The following AEBP2 variants were observed in gnomAD, a reference collection of about 807,000 sequenced individuals.
The protein encoded by AEBP2 is AE binding protein 2.
A neutral mutation model predicts 50.8 loss-of-function variants in AEBP2; 10 were observed. The ratio of observed to expected loss-of-function variants is 0.20; its 90% CI spans 0.12 to 0.33. The LOEUF (loss-of-function observed/expected upper bound fraction) is 0.33. Among genes scored for constraint, AEBP2 ranks in the 10% least tolerant of loss-of-function variants. The pLI is 1.00. For missense variants in AEBP2, 570 were observed against 688.0 expected (o/e 0.83, Z 1.92); for synonymous variants, 296 against 261.3 (o/e 1.13, Z -1.28).
chr12:19,420,021 GTTTTTT>G (rs569003269), intron 1 of AEBP2, among the ~76,000 whole-genome samples: 1 of 128,870 alleles, frequency 7.8e-6, no homozygotes, highest in Non-Finnish European at 1.6e-5. Context: ...TGCATTAATA[GTTTTTT>G]TTTTTTTTTT....
upstream of AEBP2, among the ~76,000 whole-genome samples, chr12:19,438,591 T>C (rs1292938730): frequency 6.6e-6 from 1 of 152,240 alleles, no homozygotes; most frequent in African/African-American, 2.4e-5. Flanking sequence ...ACATTTGAAA[T>C]AGATTTGTTT....
intron 1 of AEBP2, among the ~76,000 whole-genome samples, chr12:19,424,715 A>G (rs1405491502): frequency 1.3e-5 from 2 of 152,034 alleles, no homozygotes; most frequent in East Asian, 2.0e-4. Flanking sequence ...ATTTTTTAAA[A>G]AAAGTACCCT....
At chr12:19,490,206 C>T (rs1169784565) in intron 3 of AEBP2, among the ~76,000 whole-genome samples, 1 of 151,912 alleles carries the variant, frequency 6.6e-6, no homozygotes, top group Non-Finnish European at 1.5e-5. Context: ...TCTTTGCTGT[C>T]TGGAAGGATG....
intron 1 of AEBP2, chr12:19,413,255 A>C: frequency 1.8e-6 from 2 of 1,092,958 alleles, no homozygotes; most frequent in Non-Finnish European, 2.8e-6. Flanking sequence ...GCCAGGTTTA[A>C]GTAACTTAGC....
chr12:19,456,421 C>G, intron 1 of AEBP2: 1 of 1,398,238 alleles, frequency 7.2e-7, no homozygotes, highest in South Asian at 1.2e-5. Flanking sequence ...TTGCCAGGAA[C>G]CATATCAACG....
upstream of AEBP2, among the ~76,000 whole-genome samples, chr12:19,435,280 A>ATTT (rs35017794): frequency 1.5e-4 from 21 of 142,910 alleles, no homozygotes; most frequent in African/African-American, 1.8e-4. Flanking sequence ...TGACTGGCTA[A>ATTT]TTTTTTTTTT....
rs368916175 is a variant in AEBP2, at chr12:19,479,840, A to C, written c.987+6485A>C. ...CTATTTGCATGGAGTATCTTTTTCC[A>C]CCCCTTTACCTTAAGTTTATTTGAG... On this transcript the variant is annotated intron_variant, in intron 3 of 7. Coordinates refer to ENST00000266508, the MANE Select transcript of AEBP2 (RefSeq NM_153207.5). Among the ~76,000 whole-genome samples, 4 of 141,640 alleles carry C rather than the reference A, an allele frequency of 2.8e-5. No individual in the cohort carries two copies. In the East Asian group the frequency reaches 8.3e-4, roughly 29 times the overall value. The allele number at this position is 141,640 out of a possible 152,430, so 92.9% of individuals were successfully genotyped here.
At chr12:19,440,717 C>T (rs1013370705) in intron 1 of AEBP2, 65 of 1,533,386 alleles carry the variant, frequency 4.2e-5, no homozygotes, top group Admixed American at 7.8e-5. Flanking sequence ...GTACACACGT[C>T]GGTACTCAAG....
chr12:19,423,767 C>T (rs945388012), intron 1 of AEBP2, among the ~76,000 whole-genome samples: 4 of 152,048 alleles, frequency 2.6e-5, no homozygotes, highest in Admixed American at 6.6e-5. Flanking sequence ...CTTGAACCCC[C>T]GAGACGGAGG....
chr12:19,452,254 A>G (rs1304681686), intron 1 of AEBP2, among the ~76,000 whole-genome samples: 1 of 152,190 alleles, frequency 6.6e-6, no homozygotes, highest in Admixed American at 6.5e-5. Flanking sequence ...CGACCTCCCA[A>G]AGTGCTGGGA....
intron 1 of AEBP2, among the ~76,000 whole-genome samples, chr12:19,419,742 C>T (rs1463688997): frequency 1.3e-5 from 2 of 151,908 alleles, no homozygotes; most frequent in Non-Finnish European, 2.9e-5. Flanking sequence ...CTAGACTGGC[C>T]AACATGGCGA....
At position 19,521,079 on chromosome 12, in the gene AEBP2, C is replaced by G. The variant is rs997846127; in HGVS notation, c.*2962C>G. ...AGATACTCAAAAATCTGAAAAAAAT[C>G]AAAAATCTGAAATACTTCTGGTCCC... On this transcript the variant is annotated 3_prime_UTR_variant, in exon 8 of 8. Transcript: ENST00000266508. 6.6e-6 allele frequency: 1 copy of G among 152,110 alleles called. No individual in the cohort carries two copies. Among genetic ancestry groups the G allele is most frequent in the Non-Finnish European group, 1.5e-5 (1 of 68,014 alleles). 9.4% of individuals were successfully genotyped at this position (152,110 alleles called of 1,614,324 possible).
intron 1 of AEBP2, among the ~76,000 whole-genome samples, chr12:19,419,878 T>A (rs898747923): frequency 6.6e-6 from 1 of 151,746 alleles, no homozygotes; most frequent in Non-Finnish European, 1.5e-5. Flanking sequence ...TGCAGTGAGC[T>A]GAGATCGCAC....
intron 1 of AEBP2, among the ~76,000 whole-genome samples, chr12:19,407,213 A>G (rs900154961): frequency 1.3e-5 from 2 of 152,198 alleles, no homozygotes; most frequent in Admixed American, 6.5e-5. Flanking sequence ...TGGGAAGATT[A>G]TTTGAGCCCA....
chr12:19,495,666 C>G (rs1948967858), intron 4 of AEBP2, among the ~76,000 whole-genome samples: 1 of 151,844 alleles, frequency 6.6e-6, no homozygotes, highest in South Asian at 2.1e-4. Flanking sequence ...CTCAGCCTCC[C>G]AAGTAGCTGG....
intron 1 of AEBP2, chr12:19,413,005 C>T (rs897189933): frequency 2.8e-5 from 11 of 391,388 alleles, no homozygotes; most frequent in African/African-American, 1.0e-4. Context: ...CCTGCCCCGG[C>T]GTTGGGGTGT....
At chr12:19,436,583 T>C (rs1947863731), upstream of AEBP2, among the ~76,000 whole-genome samples, 7 of 43,578 alleles carry the variant, frequency 1.6e-4, no homozygotes, top group Admixed American at 1.1e-3. Context: ...TTCTTTTCTT[T>C]TTTCTTTTTT....
chr12:19,440,464 CT>C, intron 1 of AEBP2, 94 bp downstream of exon 1: 1 of 1,415,822 alleles, frequency 7.1e-7, no homozygotes, highest in Non-Finnish European at 9.2e-7. Context: ...CGCGATCCCC[CT>C]GCTCCCCGAA....
intron 1 of AEBP2, among the ~76,000 whole-genome samples, chr12:19,410,725 C>A (rs2095738810): frequency 6.6e-6 from 1 of 152,172 alleles, no homozygotes; most frequent in Admixed American, 6.6e-5. Flanking sequence ...TTATGACTAT[C>A]TAGGACCTGT....
Sources: allele counts gnomAD v4.1 joint callset (sites outside exome capture counted in the v4.1 genomes callset), GRCh38; gene constraint gnomAD v4.1.1; transcripts MANE v1.5; gene names NCBI Gene and HGNC (gene_info 2026-07-23, HGNC 2026-07-21).